Variants in SV2C observed in about 807,000 individuals in gnomAD.
The protein encoded by SV2C is synaptic vesicle glycoprotein 2C, also known as solute carrier family 22 member B3.
Under a neutral mutation model 79.7 loss-of-function variants are expected in SV2C, and 49 were observed. That is an observed-to-expected ratio of 0.61 (90% CI 0.49 to 0.78). SV2C has a LOEUF of 0.78. Among genes scored for constraint, SV2C ranks in the 30% least tolerant of loss-of-function variants. The pLI, the probability that SV2C is intolerant of heterozygous loss-of-function variation, is 0.00. For synonymous variants in SV2C, 334 were observed against 333.2 expected, an observed-to-expected ratio of 1.00 and a Z score of -0.03; for missense variants, 833 against 912.9, an observed-to-expected ratio of 0.91 and a Z score of 1.13.
chr5:76,303,295 AG>A (rs1748072636), intron 12 of SV2C, among the ~76,000 whole-genome samples: 1 of 152,214 alleles, frequency 6.6e-6, no homozygotes, highest in Non-Finnish European at 1.5e-5. Context: ...TGCGGCCAAA[AG>A]CAAGATTAAG....
the SV2C span, among the ~76,000 whole-genome samples, chr5:75,877,092 G>T: frequency 6.6e-6 from 1 of 152,022 alleles, no homozygotes; most frequent in East Asian, 1.9e-4. Context: ...GAAAGCAAAA[G>T]GATGTAAAAA....
At chr5:76,073,955 G>A in the SV2C span, among the ~76,000 whole-genome samples, 11 of 152,254 alleles carry the variant, frequency 7.2e-5, no homozygotes, top group African/African-American at 2.4e-4. Context: ...AGTCTGTGGG[G>A]TATGCCAATT....
the SV2C span, among the ~76,000 whole-genome samples, chr5:76,005,003 G>A: frequency 6.6e-6 from 1 of 152,102 alleles, no homozygotes; most frequent in Admixed American, 6.5e-5. Flanking sequence ...TATCAACCAA[G>A]TTCTTCCACT....
At chr5:76,036,190 C>G in the SV2C span, among the ~76,000 whole-genome samples, 1 of 151,790 alleles carries the variant, frequency 6.6e-6, no homozygotes, top group Non-Finnish European at 1.5e-5. Context: ...GGTCTTGACT[C>G]TTTATCCAAT....
chr5:76,298,573 C>T (rs936472292), intron 9 of SV2C, among the ~76,000 whole-genome samples: 4 of 152,096 alleles, frequency 2.6e-5, no homozygotes, highest in Non-Finnish European at 5.9e-5. Context: ...CATCTCTTTT[C>T]CTGGTGAAAA....
At position 76,328,616 on chromosome 5, in the gene SV2C, G is replaced by A. The variant is rs997797988; in HGVS notation, c.*3069G>A. 6.6e-6 allele frequency: 1 copy of A among 152,206 alleles called. No homozygotes were observed. Among genetic ancestry groups the A allele is most frequent in the African/African-American group, 2.4e-5 (1 of 41,446 alleles). The allele number at this position is 152,206 out of a possible 1,614,324, so 9.4% of individuals were successfully genotyped here. The stretch of plus-strand genomic sequence containing the variant: ...TAAGCGGTACAGGGACCCAGATCTT[G>A]CTGTGGAGACTGTAAGTCGTTGAAC... On this transcript the variant is annotated 3_prime_UTR_variant, in exon 13 of 13. Transcript: ENST00000502798.
At chr5:76,118,802 C>T (rs867201364) in intron 1 of SV2C, among the ~76,000 whole-genome samples, 20 of 151,996 alleles carry the variant, frequency 1.3e-4, no homozygotes, top group South Asian at 2.1e-4. Context: ...GCCAATATGG[C>T]GAAACCCTAT....
At chr5:76,180,514 T>C (rs1478556729) in intron 2 of SV2C, among the ~76,000 whole-genome samples, 1 of 152,252 alleles carries the variant, frequency 6.6e-6, no homozygotes, top group African/African-American at 2.4e-5. Flanking sequence ...GCTTTTCTTC[T>C]GTCTTCACTG....
intron 2 of SV2C, among the ~76,000 whole-genome samples, chr5:76,160,738 C>A (rs1742874227): frequency 6.6e-6 from 1 of 152,168 alleles, no homozygotes. Context: ...ATAGACATTT[C>A]TCCAAGAAAT....
chr5:76,338,600 T>A (rs2112583234), downstream of SV2C, among the ~76,000 whole-genome samples: 1 of 152,212 alleles, frequency 6.6e-6, no homozygotes, highest in South Asian at 2.1e-4. Flanking sequence ...TTGCCCCCTC[T>A]TCAGCCTCCC....
the SV2C span, among the ~76,000 whole-genome samples, chr5:75,853,561 A>G: frequency 9.6e-5 from 14 of 145,276 alleles, no homozygotes; most frequent in African/African-American, 3.0e-4. Flanking sequence ...TTCTCAAAAA[A>G]AAAAAAAAAA....
At chr5:75,898,688 C>T in the SV2C span, among the ~76,000 whole-genome samples, 7 of 152,196 alleles carry the variant, frequency 4.6e-5, no homozygotes, top group African/African-American at 1.7e-4. Flanking sequence ...GCTGTGAATC[C>T]ATCTGGTCCT....
At chr5:75,937,805 C>T in the SV2C span, among the ~76,000 whole-genome samples, 3 of 152,210 alleles carry the variant, frequency 2.0e-5, no homozygotes, top group African/African-American at 7.2e-5. Context: ...GTAGCATCAA[C>T]ATTCCCATAA....
chr5:76,060,071 A>G, the SV2C span, among the ~76,000 whole-genome samples: 1 of 152,120 alleles, frequency 6.6e-6, no homozygotes, highest in Non-Finnish European at 1.5e-5. Flanking sequence ...CATTCAGTAA[A>G]CCACGCTGTA....
the SV2C span, among the ~76,000 whole-genome samples, chr5:75,970,545 C>A: frequency 3.3e-5 from 5 of 152,010 alleles, no homozygotes; most frequent in South Asian, 1.0e-3. Context: ...ACTATAAACA[C>A]CTCTATGCAA....
At chr5:76,130,467 A>C (rs2112182956) in intron 1 of SV2C, among the ~76,000 whole-genome samples, 1 of 152,330 alleles carries the variant, frequency 6.6e-6, no homozygotes, top group East Asian at 1.9e-4. Context: ...TAAACTAGCT[A>C]CAAAATGAAA....
intron 12 of SV2C, among the ~76,000 whole-genome samples, chr5:76,321,668 T>C (rs1442211081): frequency 6.7e-6 from 1 of 149,296 alleles, no homozygotes; most frequent in Non-Finnish European, 1.5e-5. Context: ...TTGAGCCCAG[T>C]AGATCGAGGC....
intron 3 of SV2C, among the ~76,000 whole-genome samples, chr5:76,195,742 A>G (rs1744253483): frequency 6.6e-6 from 1 of 152,218 alleles, no homozygotes; most frequent in Non-Finnish European, 1.5e-5. Context: ...AATAAGGAAT[A>G]TATGAGAAAC....
chr5:76,181,686 TA>T (rs1743737586), intron 2 of SV2C, among the ~76,000 whole-genome samples: 1 of 152,080 alleles, frequency 6.6e-6, no homozygotes, highest in African/African-American at 2.4e-5. Context: ...GGGATAGGGC[TA>T]AACCATTAGA....
Sources: allele counts gnomAD v4.1 joint callset (sites outside exome capture counted in the v4.1 genomes callset), GRCh38; gene constraint gnomAD v4.1.1; transcripts MANE v1.5; gene names NCBI Gene and HGNC (gene_info 2026-07-23, HGNC 2026-07-21).